The following APBA2 variants were observed in gnomAD, a reference collection of about 807,000 sequenced individuals.
APBA2 encodes amyloid beta precursor protein binding family A member 2.
A neutral mutation model predicts 75.0 loss-of-function variants in APBA2; 30 were observed. That is an observed-to-expected ratio of 0.40 (90% confidence interval 0.30 to 0.54). The LOEUF is 0.54. APBA2 is among the 20% of genes least tolerant of loss of function. The pLI, the probability that APBA2 is intolerant of heterozygous loss-of-function variation, is 0.49. For synonymous variants in APBA2, 444 were observed against 409.6 expected (o/e 1.08, Z -1.01); for missense variants, 801 against 1,016.1 (o/e 0.79, Z 2.88).
chr15:28,957,957 C>A (rs751169076), intron 2 of APBA2, among the ~76,000 whole-genome samples: 6 of 152,182 alleles, frequency 3.9e-5, no homozygotes, highest in Non-Finnish European at 5.9e-5. Flanking sequence ...TGTCCTGCTG[C>A]GACTGGGTTG....
At chr15:29,027,899 G>A (rs1341754355) in intron 3 of APBA2, among the ~76,000 whole-genome samples, 4 of 151,772 alleles carry the variant, frequency 2.6e-5, no homozygotes, top group South Asian at 2.1e-4. Context: ...CACCGTGCCC[G>A]GCCTAGTCTT....
rs116799646 is a variant in APBA2, at chr15:28,959,549, A to C, written c.-94-36204A>C. Among the ~76,000 whole-genome samples, 927 of 150,572 alleles carry C rather than the reference A, an allele frequency of 6.2e-3. 13 individuals carry two copies. The highest frequency in any genetic ancestry group is 0.021 in the African/African-American group (850 of 40,112). On this transcript the variant is annotated intron_variant, in intron 2 of 14. Coordinates refer to ENST00000683413, the MANE Select transcript of APBA2 (RefSeq NM_001353788.2). ...GTGAGCCAAGGAGCGAGGCCTCCTG[A>C]GAAACCAGCCCTGCTGACACCATAA... is the stretch of plus-strand genomic sequence containing the variant.
intron 1 of APBA2, among the ~76,000 whole-genome samples, chr15:28,897,820 G>A (rs2032600056): frequency 6.6e-6 from 1 of 152,060 alleles, no homozygotes; most frequent in South Asian, 2.1e-4. Flanking sequence ...GAGTGAAATG[G>A]GCATATGGGC....
intron 2 of APBA2, among the ~76,000 whole-genome samples, chr15:28,982,071 G>A (rs968393938): frequency 1.3e-5 from 2 of 152,148 alleles, no homozygotes; most frequent in African/African-American, 4.8e-5. Flanking sequence ...CCTGGATGAC[G>A]GGATTAATCA....
At chr15:28,973,017 G>T (rs1311061072) in intron 2 of APBA2, among the ~76,000 whole-genome samples, 1 of 152,068 alleles carries the variant, frequency 6.6e-6, no homozygotes, top group Admixed American at 6.6e-5. Context: ...ATTTAATTTG[G>T]AGAACTCCCA....
At chr15:29,072,747 G>T (rs2042680927) in intron 4 of APBA2, among the ~76,000 whole-genome samples, 2 of 152,142 alleles carry the variant, frequency 1.3e-5, no homozygotes, top group South Asian at 4.2e-4. Context: ...CTTTGGTCAT[G>T]CCAGGACAGC....
chr15:29,109,754 T>C (rs554075030), intron 13 of APBA2, among the ~76,000 whole-genome samples: 1 of 152,308 alleles, frequency 6.6e-6, no homozygotes, highest in African/African-American at 2.4e-5. Flanking sequence ...TGTGTGACCC[T>C]CAACAAGTCA....
intron 2 of APBA2, among the ~76,000 whole-genome samples, chr15:28,983,764 C>G (rs2037751294): frequency 6.6e-6 from 1 of 152,168 alleles, no homozygotes; most frequent in Non-Finnish European, 1.5e-5. Context: ...CTTAGTAGCC[C>G]AAGACAGAAC....
intron 2 of APBA2, among the ~76,000 whole-genome samples, chr15:28,968,260 T>C (rs1201111055): frequency 1.3e-5 from 2 of 152,216 alleles, no homozygotes; most frequent in Non-Finnish European, 2.9e-5. Flanking sequence ...GTGCAAATAA[T>C]CTCTTGGAGA....
intron 1 of APBA2, among the ~76,000 whole-genome samples, chr15:28,917,503 A>G (rs2033739150): frequency 6.6e-6 from 1 of 152,100 alleles, no homozygotes; most frequent in South Asian, 2.1e-4. Flanking sequence ...AAATTAATAG[A>G]TTTAATTTTT....
chr15:28,937,133 G>A (rs1056363461), intron 2 of APBA2, among the ~76,000 whole-genome samples: 2 of 152,084 alleles, frequency 1.3e-5, no homozygotes, highest in Non-Finnish European at 2.9e-5. Flanking sequence ...TGGTGGTCTC[G>A]AGGTCATCTG....
chr15:28,954,703 C>G (rs2036074994), intron 2 of APBA2, among the ~76,000 whole-genome samples: 1 of 152,236 alleles, frequency 6.6e-6, no homozygotes, highest in African/African-American at 2.4e-5. Flanking sequence ...CAGGCTGCAG[C>G]AAATTCACAG....
At chr15:28,985,787 C>T (rs1033472190) in intron 2 of APBA2, among the ~76,000 whole-genome samples, 7 of 152,330 alleles carry the variant, frequency 4.6e-5, no homozygotes, top group East Asian at 3.9e-4. Flanking sequence ...TCAGCTGGTT[C>T]GTTCTATGAA....
intron 12 of APBA2, 143 bp downstream of exon 12, chr15:29,106,962 G>T: frequency 1.4e-6 from 1 of 734,214 alleles, no homozygotes. Flanking sequence ...CCGGTGACTG[G>T]TCGATGATGG....
At chr15:29,028,704 C>G (rs1447544992) in intron 3 of APBA2, among the ~76,000 whole-genome samples, 1 of 152,200 alleles carries the variant, frequency 6.6e-6, no homozygotes, top group Admixed American at 6.5e-5. Flanking sequence ...ACCATCCTGA[C>G]TGGCATGAGG....
At chr15:29,092,495 T>G (rs1047001434) in intron 6 of APBA2, among the ~76,000 whole-genome samples, 6 of 152,128 alleles carry the variant, frequency 3.9e-5, no homozygotes, top group Non-Finnish European at 8.8e-5. Flanking sequence ...GATAGAACCT[T>G]CCATTGTGGC....
chr15:28,981,359 A>G (rs2037612523), intron 2 of APBA2, among the ~76,000 whole-genome samples: 1 of 152,248 alleles, frequency 6.6e-6, no homozygotes, highest in Non-Finnish European at 1.5e-5. Context: ...ATGAACAGAC[A>G]CTTCTCAAAA....
intron 3 of APBA2, among the ~76,000 whole-genome samples, chr15:29,037,029 A>G (rs1481048418): frequency 6.6e-6 from 1 of 152,094 alleles, no homozygotes; most frequent in Admixed American, 6.5e-5. Context: ...CCAAAAAAAA[A>G]AAGAGAAAGT....
At chr15:29,027,356 G>T (rs977357732) in intron 3 of APBA2, among the ~76,000 whole-genome samples, 9 of 151,994 alleles carry the variant, frequency 5.9e-5, no homozygotes, top group African/African-American at 2.2e-4. Context: ...GCCAATTGTG[G>T]TAATTTATAT....
Sources: allele counts gnomAD v4.1 joint callset (sites outside exome capture counted in the v4.1 genomes callset), GRCh38; gene constraint gnomAD v4.1.1; transcripts MANE v1.5; gene names NCBI Gene and HGNC (gene_info 2026-07-23, HGNC 2026-07-21).